The following TTYH3 variants were observed in gnomAD, a reference collection of about 807,000 sequenced individuals.
The protein encoded by TTYH3 is tweety family member 3.
Under a neutral mutation model 68.2 loss-of-function variants are expected in TTYH3, and 23 were observed. The observed-to-expected ratio is 0.34, with a 90% confidence interval of 0.24 to 0.48. TTYH3 has a LOEUF of 0.48. Ranked by LOEUF, TTYH3 falls within the 20% of genes least tolerant of loss-of-function variation. The pLI, the probability that TTYH3 is intolerant of heterozygous loss-of-function variation, is 0.99. For synonymous variants in TTYH3, 360 were observed against 332.8 expected (o/e 1.08, Z -0.89); for missense variants, 768 against 727.7 (o/e 1.06, Z -0.64).
In TTYH3 at chr7:2,658,956, T is replaced by A. The variant is rs761292845; in HGVS notation, c.1441T>A (p.Phe481Ile). The change falls in exon 13 of 14, where the codon TTC (phenylalanine) becomes ATC (isoleucine). Residue 481 changes from phenylalanine to isoleucine, a missense_variant. Physicochemically the swap from Phe to Ile is conservative, Grantham distance 21 (BLOSUM62 0). Transcript: ENST00000258796. ...VTEYMSQNANFQNPRCENTPL... is the reference protein window; with the variant it reads ...VTEYMSQNANIQNPRCENTPL... ...ATGCCTCAGGAGCCAGAACGCTAATTTCCAGAACCCCCGCTGTGAGAACAC... is the reference window on the plus strand; with the variant it reads ...ATGCCTCAGGAGCCAGAACGCTAATATCCAGAACCCCCGCTGTGAGAACAC... 6.2e-7 allele frequency: 1 copy of A among 1,613,990 alleles called. No homozygotes were observed. The highest frequency in any genetic ancestry group is 8.5e-7 in the Non-Finnish European group (1 of 1,179,914).
intron 1 of TTYH3, among the ~76,000 whole-genome samples, chr7:2,644,709 G>A (rs971902288): frequency 4.6e-5 from 7 of 152,212 alleles, no homozygotes; most frequent in African/African-American, 1.7e-4. Flanking sequence ...TGGCTGCTGG[G>A]CAGCCGTGGA....
At position 2,658,299 on chromosome 7, in the gene TTYH3, G is replaced by C. The variant is rs764912103; in HGVS notation, c.1264G>C (p.Asp422His). The change falls in exon 12 of 14, where the codon GAC becomes CAC. Residue 422 changes from aspartate (D) to histidine (H), a missense_variant. Coordinates refer to ENST00000258796, the MANE Select transcript of TTYH3 (RefSeq NM_025250.3). Reference sequence around the variant, plus strand: ...CCCTCCTCACAGAGGCCCTGATGAGGACGGGGAGGAGGAGGCCGCTCCAGG... The same window carrying C: ...CCCTCCTCACAGAGGCCCTGATGAGCACGGGGAGGAGGAGGCCGCTCCAGG... ...TWQQKRGPDE[D>H]GEEEAAPGPR... 6.3e-7 allele frequency: 1 copy of C among 1,589,426 alleles called. No individual in the cohort carries two copies. Among genetic ancestry groups the C allele is most frequent in the Non-Finnish European group, 8.6e-7 (1 of 1,167,738 alleles).
rs1423989556 is a variant in TTYH3, at chr7:2,663,335, T to G, written c.*1596T>G. 1 of 152,736 alleles carries G rather than the reference T, an allele frequency of 6.5e-6. No homozygotes were observed. The highest frequency in any genetic ancestry group is 2.4e-5 in the African/African-American group (1 of 41,438). 9.5% of individuals were successfully genotyped at this position (152,736 alleles called of 1,614,324 possible). ...GCTACCTGGACCGGAAATGTCCTCA[T>G]CCCCTCCCTGGGGCCAGGCTCTGCC... On this transcript the variant is annotated 3_prime_UTR_variant, in exon 14 of 14. Transcript: ENST00000258796.
intron 1 of TTYH3, among the ~76,000 whole-genome samples, chr7:2,637,205 A>AG (rs5881934): frequency 1 from 152,040 of 152,042 alleles, 76,019 homozygotes; most frequent in Middle Eastern, 1. Flanking sequence ...ACCCCTGGGC[A>AG]GGCCCTGCCA....
chr7:2,635,190 G>T (rs1351015268), intron 1 of TTYH3, among the ~76,000 whole-genome samples: 1 of 152,204 alleles, frequency 6.6e-6, no homozygotes, highest in African/African-American at 2.4e-5. Context: ...GAGGCCTCTG[G>T]CGTGGCCCGG....
intron 1 of TTYH3, among the ~76,000 whole-genome samples, chr7:2,642,884 G>A (rs1414643975): frequency 1.3e-5 from 2 of 150,902 alleles, no homozygotes; most frequent in Non-Finnish European, 2.9e-5. Flanking sequence ...CCAACATGGT[G>A]AAAACCCATC....
At chr7:2,635,766 T>G (rs1785641038) in intron 1 of TTYH3, among the ~76,000 whole-genome samples, 1 of 152,224 alleles carries the variant, frequency 6.6e-6, no homozygotes, top group Admixed American at 6.5e-5. Flanking sequence ...CTGCCTCAGT[T>G]TGCCTAGCAT....
chr7:2,661,879 C>A lies in TTYH3; in HGVS notation c.*140C>A. ...GACGCGTCTGCAGGCCGCTTGCCCT[C>A]CTGTCCCCTCCCCGCAGGGGCACAG... On this transcript the variant is annotated 3_prime_UTR_variant, in exon 14 of 14. Transcript: ENST00000258796. 1.1e-6 allele frequency: 1 copy of A among 888,758 alleles called. No individual in the cohort carries two copies. Among genetic ancestry groups the A allele is most frequent in the East Asian group, 2.6e-5 (1 of 37,900 alleles). 55.1% of individuals were successfully genotyped at this position (888,758 alleles called of 1,614,324 possible). A position where few individuals can be genotyped will look rare whatever the true frequency, so the allele number is the denominator to read the frequency against.
intron 12 of TTYH3, among the ~76,000 whole-genome samples, chr7:2,658,700 G>C (rs1288254362): frequency 1.3e-5 from 2 of 152,210 alleles, no homozygotes; most frequent in African/African-American, 4.8e-5. Context: ...AGGACCTCAG[G>C]GCCCAGCTAC....
intron 1 of TTYH3, among the ~76,000 whole-genome samples, chr7:2,635,854 A>G (rs1016423343): frequency 1.3e-5 from 2 of 152,226 alleles, no homozygotes; most frequent in African/African-American, 2.4e-5. Context: ...TGAGGTCACC[A>G]TACAGAGACC....
Position 2,658,289 on chromosome 7 carries a change from C to A in TTYH3, c.1254C>A (p.Gly418=), listed in dbSNP as rs1786392021. Residue 418 remains glycine, a synonymous_variant, in exon 12 of 14, where the codon GGC becomes GGA. Transcript: ENST00000258796. The stretch of plus-strand genomic sequence containing the variant: ...TGCTGCGTGTCCCTCCTCACAGAGG[C>A]CCTGATGAGGACGGGGAGGAGGAGG... ...SVPHTWQQKR[G]PDEDGEEEAA... The A allele has an allele frequency of 2.5e-6, 4 of 1,573,916 alleles. No individual in the cohort carries two copies. The highest frequency in any genetic ancestry group is 8.6e-7 in the Non-Finnish European group (1 of 1,158,544).
In TTYH3 at chr7:2,652,020, C is replaced by G. The variant is rs1023902836; in HGVS notation, c.872-167C>G. Among the ~76,000 whole-genome samples the G allele has an allele frequency of 3.3e-5, 5 of 152,204 alleles. 1 individual carries two copies. Among genetic ancestry groups the G allele is most frequent in the Admixed American group, 2.0e-4 (3 of 15,280 alleles). On this transcript the variant is annotated intron_variant, in intron 7 of 13. Coordinates refer to ENST00000258796, the MANE Select transcript of TTYH3 (RefSeq NM_025250.3). ...AGAGACACATGCACGTGTAAGTAAA[C>G]ATGCAGACACATGCACATGTGTAAA...
rs1031808600 is a variant in TTYH3, at chr7:2,660,090, C to T, written c.1500+1075C>T. 13 of 1,281,260 alleles carry T rather than the reference C, an allele frequency of 1.0e-5. No homozygotes were observed. In the African/African-American group the frequency reaches 2.0e-4, roughly 20 times the overall value. 79.4% of individuals were successfully genotyped at this position (1,281,260 alleles called of 1,614,324 possible). ...CCGCACGGCCACCCGCCTGCGCCTC[C>T]CGCCTCCACCCTGCACTCACTGCCG... On this transcript the variant is annotated intron_variant, in intron 13 of 13. Coordinates refer to ENST00000258796, the MANE Select transcript of TTYH3 (RefSeq NM_025250.3).
At position 2,653,006 on chromosome 7, in the gene TTYH3, C is replaced by T; in HGVS notation, c.1016C>T (p.Thr339Ile). The change falls in exon 9 of 14, where the codon ACT becomes ATT. Residue 339 changes from threonine (T) to isoleucine (I), a missense_variant. Coordinates refer to ENST00000258796, the MANE Select transcript of TTYH3 (RefSeq NM_025250.3). ...LRTVPWEQPA[T>I]KDPLLRVQEV... ...ACCGTCCCCTGGGAGCAGCCGGCCA[C>T]TAAGGTGAGGGGCTGCGGGGTAGGC... 6.4e-7 allele frequency: 1 copy of T among 1,568,332 alleles called. No homozygotes were observed. The highest frequency in any genetic ancestry group is 8.6e-7 in the Non-Finnish European group (1 of 1,156,196).
At chr7:2,649,868 G>C (rs371839269) in intron 6 of TTYH3, 45 bp from the exon 7 acceptor site, 2 of 1,608,950 alleles carry the variant, frequency 1.2e-6, no homozygotes, top group Non-Finnish European at 1.7e-6. Context: ...CTTCCCTTTA[G>C]GCCCAGCTTG....
intron 13 of TTYH3, chr7:2,660,391 G>A: frequency 1.0e-6 from 1 of 985,410 alleles, no homozygotes; most frequent in Non-Finnish European, 1.2e-6. Context: ...CCCTGGGCAT[G>A]TGGCCAGCAG....
chr7:2,637,099 G>A (rs982475033), intron 1 of TTYH3, among the ~76,000 whole-genome samples: 2 of 152,126 alleles, frequency 1.3e-5, no homozygotes, highest in Admixed American at 1.3e-4. Flanking sequence ...CTGTGTGTGC[G>A]GGACCCCCGC....
In TTYH3 at chr7:2,645,991, G is replaced by C; in HGVS notation, c.124-862G>C. 1 of 350,990 alleles carries C rather than the reference G, an allele frequency of 2.8e-6. No individual in the cohort carries two copies. The highest frequency in any genetic ancestry group is 2.1e-5 in the South Asian group (1 of 46,872). The allele number at this position is 350,990 out of a possible 1,614,324, so 21.7% of individuals were successfully genotyped here. On this transcript the variant is annotated intron_variant, in intron 1 of 13. Coordinates refer to ENST00000258796, the MANE Select transcript of TTYH3 (RefSeq NM_025250.3). The surrounding 1 kb of genome is among the most constrained non-coding windows in gnomAD (Gnocchi z 4.8). ...TGATGCCGGCAGCCCCCTCCCCAGG[G>C]CTTCGCTTCTTCGGGGGAGCAGCAG...
At position 2,662,997 on chromosome 7, in the gene TTYH3, C is replaced by G. The variant is rs937133832; in HGVS notation, c.*1258C>G. On this transcript the variant is annotated 3_prime_UTR_variant, in exon 14 of 14. Transcript: ENST00000258796. ...CTTTGGACTGAGGTCCCTGTGGCCT[C>G]GGTCTCCTCCCCATGAAGTGGGAGC... The G allele has an allele frequency of 1.3e-5, 2 of 152,300 alleles. No individual in the cohort carries two copies. Among genetic ancestry groups the G allele is most frequent in the African/African-American group, 4.8e-5 (2 of 41,472 alleles). 9.4% of individuals were successfully genotyped at this position (152,300 alleles called of 1,614,324 possible).
Sources: allele counts gnomAD v4.1 joint callset (sites outside exome capture counted in the v4.1 genomes callset), GRCh38; gene constraint gnomAD v4.1.1; non-coding constraint Gnocchi (gnomAD v3.1); transcripts MANE v1.5; gene names NCBI Gene and HGNC (gene_info 2026-07-23, HGNC 2026-07-21).